Variants in ADAM19 observed in about 807,000 individuals in gnomAD.
ADAM19 encodes ADAM metallopeptidase domain 19.
In ADAM19, 65 loss-of-function variants were observed where a neutral mutation model predicts 114.7. That is an observed-to-expected ratio of 0.57 (90% confidence interval 0.46 to 0.70). The LOEUF (loss-of-function observed/expected upper bound fraction) is 0.70, where lower values mean the gene tolerates loss of function less well. Among genes scored for constraint, ADAM19 ranks in the 30% least tolerant of loss-of-function variants. ADAM19 has a pLI of 0.00. For synonymous variants in ADAM19, 466 were observed against 460.5 expected (o/e 1.01, Z -0.15); for missense variants, 1,063 against 1,204.7 (o/e 0.88, Z 1.74).
At chr5:157,539,153 CAA>C (rs11336664) in intron 3 of ADAM19, among the ~76,000 whole-genome samples, 1,027 of 91,874 alleles carry the variant, frequency 0.011, 7 homozygotes, top group African/African-American at 0.036. Flanking sequence ...GACTCTGTCT[CAA>C]AAAAAAAAAA....
At chr5:157,549,682 T>C (rs547357181) in intron 3 of ADAM19, among the ~76,000 whole-genome samples, 1 of 152,366 alleles carries the variant, frequency 6.6e-6, no homozygotes, top group East Asian at 1.9e-4. Flanking sequence ...TTATGCTGTT[T>C]GCATGCTGTT....
chr5:157,527,670 A>G (rs1191047084), intron 5 of ADAM19, among the ~76,000 whole-genome samples: 3 of 152,166 alleles, frequency 2.0e-5, no homozygotes, highest in African/African-American at 7.2e-5. Context: ...GGGGACACAG[A>G]GCCAAACCAT....
intron 3 of ADAM19, among the ~76,000 whole-genome samples, chr5:157,556,510 T>C (rs910378907): frequency 1.3e-5 from 2 of 152,106 alleles, no homozygotes; most frequent in Non-Finnish European, 2.9e-5. Flanking sequence ...TGAGCCACCA[T>C]GCCCGGCCTC....
chr5:157,552,866 A>C (rs529917659), intron 3 of ADAM19, among the ~76,000 whole-genome samples: 1 of 152,272 alleles, frequency 6.6e-6, no homozygotes, highest in African/African-American at 2.4e-5. Context: ...AAAAAGAATG[A>C]GCTCCAGTCA....
chr5:157,531,562 G>A (rs1756624846), intron 4 of ADAM19, among the ~76,000 whole-genome samples: 1 of 152,134 alleles, frequency 6.6e-6, no homozygotes, highest in Non-Finnish European at 1.5e-5. Flanking sequence ...AGCTACTCGG[G>A]AGGCCGAGGC....
At chr5:157,490,600 A>G (rs1313753499) in intron 18 of ADAM19, 146 bp from the exon 19 acceptor site, 1 of 1,125,680 alleles carries the variant, frequency 8.9e-7, no homozygotes, top group African/African-American at 1.6e-5. Flanking sequence ...ATAATTAAAA[A>G]CACACATTAT....
intron 18 of ADAM19, among the ~76,000 whole-genome samples, chr5:157,491,380 A>C (rs1355176330): frequency 6.6e-6 from 1 of 152,228 alleles, no homozygotes; most frequent in Non-Finnish European, 1.5e-5. Flanking sequence ...TCACTCTACT[A>C]AGCGGGCTCC....
intron 2 of ADAM19, among the ~76,000 whole-genome samples, chr5:157,565,187 T>A (rs1490889587): frequency 6.6e-6 from 1 of 152,162 alleles, no homozygotes; most frequent in Non-Finnish European, 1.5e-5. Flanking sequence ...CAGTGGTTGA[T>A]AAGCACAAAA....
chr5:157,482,013 T>C (rs2113682132), intron 21 of ADAM19, 70 bp from the exon 22 acceptor site: 1 of 1,272,406 alleles, frequency 7.9e-7, no homozygotes, highest in South Asian at 1.5e-5. Context: ...CCTGATATCT[T>C]ACAGGTTAAA....
At chr5:157,502,600 C>A (rs1455923484) in intron 12 of ADAM19, among the ~76,000 whole-genome samples, 1 of 152,200 alleles carries the variant, frequency 6.6e-6, no homozygotes, top group African/African-American at 2.4e-5. Flanking sequence ...TGGACACTAG[C>A]GATGCTGGCC....
chr5:157,485,895 T>C (rs1037138790), intron 21 of ADAM19, among the ~76,000 whole-genome samples: 5 of 152,236 alleles, frequency 3.3e-5, no homozygotes, highest in Admixed American at 6.5e-5. Flanking sequence ...CATATCACTG[T>C]TGCAGTGACA....
intron 16 of ADAM19, among the ~76,000 whole-genome samples, chr5:157,492,697 C>G (rs1755216529): frequency 6.6e-6 from 1 of 152,192 alleles, no homozygotes; most frequent in Non-Finnish European, 1.5e-5. Flanking sequence ...TCCCTAACTC[C>G]TAGTCCATTT....
chr5:157,478,977 C>T lies in ADAM19; in HGVS notation c.*1972G>A, dbSNP rs1754671997. On this transcript the variant is annotated 3_prime_UTR_variant, in exon 23 of 23. Transcript: ENST00000257527. ...ATGGGGTTGGGTTTTGAGGATGTTG[C>T]TTGTTTGTTTTGCAGAGGGGTGAAA... The T allele has an allele frequency of 2.0e-6, 2 of 985,444 alleles. No homozygotes were observed. The highest frequency in any genetic ancestry group is 3.5e-5 in the African/African-American group (2 of 57,176). 61.0% of individuals were successfully genotyped at this position (985,444 alleles called of 1,614,324 possible).
At chr5:157,571,634 C>T (rs1050399993) in intron 1 of ADAM19, among the ~76,000 whole-genome samples, 1 of 152,192 alleles carries the variant, frequency 6.6e-6, no homozygotes, top group African/African-American at 2.4e-5. Flanking sequence ...AAAAAGATCA[C>T]TCTGCCTGCG....
intron 5 of ADAM19, among the ~76,000 whole-genome samples, chr5:157,526,932 T>C (rs1756481874): frequency 6.6e-6 from 1 of 151,956 alleles, no homozygotes; most frequent in Non-Finnish European, 1.5e-5. Context: ...ATTGGTGTCA[T>C]TTATAAGTAC....
chr5:157,500,723 G>A (rs865982634), intron 12 of ADAM19, among the ~76,000 whole-genome samples: 10 of 152,030 alleles, frequency 6.6e-5, no homozygotes, highest in Admixed American at 1.3e-4. Context: ...GACCTTTCTG[G>A]AACAGAAGAT....
intron 5 of ADAM19, among the ~76,000 whole-genome samples, chr5:157,525,086 A>G (rs1049130903): frequency 6.6e-6 from 1 of 152,196 alleles, no homozygotes; most frequent in African/African-American, 2.4e-5. Flanking sequence ...TTCCCATTTT[A>G]TGGATGAGAC....
intron 3 of ADAM19, among the ~76,000 whole-genome samples, chr5:157,555,159 A>G (rs1757331361): frequency 6.6e-6 from 1 of 152,164 alleles, no homozygotes; most frequent in African/African-American, 2.4e-5. Context: ...CTTCCCACCC[A>G]CATGACTTTT....
intron 7 of ADAM19, among the ~76,000 whole-genome samples, chr5:157,516,230 A>ATT (rs952476023): frequency 6.6e-6 from 1 of 152,188 alleles, no homozygotes; most frequent in Non-Finnish European, 1.5e-5. Flanking sequence ...CAAATGAATC[A>ATT]TTCAAAGCCT....
Sources: allele counts gnomAD v4.1 joint callset (sites outside exome capture counted in the v4.1 genomes callset), GRCh38; gene constraint gnomAD v4.1.1; transcripts MANE v1.5; gene names NCBI Gene and HGNC (gene_info 2026-07-23, HGNC 2026-07-21).